The following DLG2 variants were observed in gnomAD, a reference collection of about 807,000 sequenced individuals.
The protein encoded by DLG2 is disks large homolog 2.
Under a neutral mutation model 132.5 loss-of-function variants are expected in DLG2, and 45 were observed. The observed-to-expected ratio is 0.34, with a 90% confidence interval of 0.27 to 0.44. The LOEUF is 0.44. Ranked by LOEUF, DLG2 falls within the 20% of genes least tolerant of loss-of-function variation. The probability of loss-of-function intolerance (pLI) is 1.00; values close to 1 mark genes in which losing one functional copy is unlikely to be tolerated. For synonymous variants in DLG2, 424 were observed against 419.6 expected (o/e 1.01, Z -0.13); for missense variants, 1,045 against 1,196.9 (o/e 0.87, Z 1.87).
intron 3 of DLG2, among the ~76,000 whole-genome samples, chr11:85,314,637 G>T (rs905250931): frequency 6.6e-6 from 1 of 151,800 alleles, no homozygotes; most frequent in Non-Finnish European, 1.5e-5. Context: ...TATTTAGGAG[G>T]AGCAATAAGA....
chr11:83,478,271 A>T (rs1261167025), intron 22 of DLG2, among the ~76,000 whole-genome samples: 2 of 152,014 alleles, frequency 1.3e-5, no homozygotes, highest in Non-Finnish European at 2.9e-5. Flanking sequence ...GACTCTTCTT[A>T]CTTTTGTTCA....
In DLG2 at chr11:84,502,202, C is replaced by CTCT. The variant is rs56962951; in HGVS notation, c.519+32367_519+32368insAGA. Among the ~76,000 whole-genome samples, 7 of 24,942 alleles carry CTCT rather than the reference C, an allele frequency of 2.8e-4. 1 individual carries two copies. Among genetic ancestry groups the CTCT allele is most frequent in the Admixed American group, 6.4e-4 (2 of 3,116 alleles). 16.4% of individuals were successfully genotyped at this position (24,942 alleles called of 152,430 possible). The stretch of plus-strand genomic sequence containing the variant: ...TCTCTCTCTTTCTCTCTCTCTCTCT[C>CTCT]CTTCCTTCCTTCCTTCCTTCCTTCC... On this transcript the variant is annotated intron_variant, in intron 7 of 27. Coordinates refer to ENST00000376104, the MANE Select transcript of DLG2 (RefSeq NM_001142699.3).
chr11:84,265,879 A>G (rs2097621399), intron 7 of DLG2, among the ~76,000 whole-genome samples: 1 of 152,142 alleles, frequency 6.6e-6, no homozygotes, highest in Non-Finnish European at 1.5e-5. Context: ...TAGCTCATTA[A>G]AGCTTTTCAG....
chr11:83,750,948 G>T (rs1333675506), intron 18 of DLG2, among the ~76,000 whole-genome samples: 3 of 152,122 alleles, frequency 2.0e-5, no homozygotes, highest in Non-Finnish European at 4.4e-5. Flanking sequence ...AGGCACTAGA[G>T]GTTCAACAGT....
At chr11:85,363,831 G>A (rs1246205060) in intron 3 of DLG2, among the ~76,000 whole-genome samples, 2 of 152,130 alleles carry the variant, frequency 1.3e-5, no homozygotes, top group Non-Finnish European at 2.9e-5. Flanking sequence ...GGTTACTGAG[G>A]ATAAATTCAG....
chr11:84,606,764 A>T (rs1477889907), intron 6 of DLG2, among the ~76,000 whole-genome samples: 1 of 152,106 alleles, frequency 6.6e-6, no homozygotes, highest in Non-Finnish European at 1.5e-5. Context: ...CTACAGAAAC[A>T]AGAAAATAAA....
intron 17 of DLG2, chr11:83,791,010 G>C (rs1849813246): frequency 2.6e-6 from 2 of 780,682 alleles, no homozygotes; most frequent in African/African-American, 1.7e-5. Flanking sequence ...GCTTTTCAGT[G>C]AATTGGCTTG....
chr11:84,484,273 C>A (rs944414355), intron 7 of DLG2, among the ~76,000 whole-genome samples: 4 of 152,270 alleles, frequency 2.6e-5, no homozygotes, highest in Non-Finnish European at 5.9e-5. Context: ...TAAGATCCTT[C>A]ATTATTCCTT....
At chr11:84,938,136 TTAAG>T (rs2154095392) in intron 6 of DLG2, among the ~76,000 whole-genome samples, 1 of 152,268 alleles carries the variant, frequency 6.6e-6, no homozygotes, top group East Asian at 1.9e-4. Flanking sequence ...CTCAGAGAAA[TTAAG>T]TAACTTCTAC....
At chr11:84,767,251 T>C (rs2068561109) in intron 6 of DLG2, among the ~76,000 whole-genome samples, 1 of 152,048 alleles carries the variant, frequency 6.6e-6, no homozygotes. Context: ...ACTGGTATTA[T>C]GGTGGTCATA....
intron 8 of DLG2, among the ~76,000 whole-genome samples, chr11:84,206,904 G>A (rs1489747040): frequency 1.3e-5 from 2 of 151,878 alleles, no homozygotes; most frequent in Admixed American, 6.6e-5. Context: ...TATAAAATTA[G>A]GTTAATAAGG....
At chr11:84,043,669 T>C (rs2096161025) in intron 11 of DLG2, among the ~76,000 whole-genome samples, 1 of 151,818 alleles carries the variant, frequency 6.6e-6, no homozygotes, top group East Asian at 1.9e-4. Context: ...TCCTGTTTGG[T>C]ATAGCTTTAA....
intron 7 of DLG2, among the ~76,000 whole-genome samples, chr11:84,280,246 T>TA (rs1257111863): frequency 2.6e-5 from 4 of 151,700 alleles, no homozygotes; most frequent in African/African-American, 7.2e-5. Flanking sequence ...GAAATTAAAA[T>TA]AAAAAATAAT....
chr11:85,009,474 A>T (rs2058970261), intron 6 of DLG2, among the ~76,000 whole-genome samples: 1 of 152,126 alleles, frequency 6.6e-6, no homozygotes, highest in Admixed American at 6.5e-5. Flanking sequence ...CTGACAGTAC[A>T]TCTTTAGGTA....
intron 6 of DLG2, among the ~76,000 whole-genome samples, chr11:84,768,615 T>C (rs1160209992): frequency 6.6e-6 from 1 of 152,112 alleles, no homozygotes; most frequent in Non-Finnish European, 1.5e-5. Flanking sequence ...CAGTGCTAGG[T>C]GGATTCATTG....
chr11:85,545,399 A>C (rs2076244817), intron 3 of DLG2, among the ~76,000 whole-genome samples: 1 of 152,100 alleles, frequency 6.6e-6, no homozygotes, highest in Non-Finnish European at 1.5e-5. Context: ...CCAGTATTTT[A>C]TTGAGGATTT....
intron 16 of DLG2, among the ~76,000 whole-genome samples, chr11:83,863,052 C>A (rs148296382): frequency 1.2e-3 from 176 of 152,186 alleles, no homozygotes; most frequent in African/African-American, 4.1e-3. Context: ...GTTATATAGG[C>A]AATCAAGAAG....
At chr11:84,610,142 A>T (rs1046237824) in intron 6 of DLG2, among the ~76,000 whole-genome samples, 1 of 152,062 alleles carries the variant, frequency 6.6e-6, no homozygotes, top group Non-Finnish European at 1.5e-5. Context: ...ATAAAATGAG[A>T]TATGTGGATG....
At chr11:85,608,681 C>T (rs1478365909) in intron 2 of DLG2, among the ~76,000 whole-genome samples, 1 of 152,016 alleles carries the variant, frequency 6.6e-6, no homozygotes, top group African/African-American at 2.4e-5. Flanking sequence ...CAGTTTTGTC[C>T]CCTTCAAGCT....
Sources: gnomAD v4.1 joint callset for allele counts (sites outside exome capture counted in the v4.1 genomes callset) on GRCh38, gnomAD v4.1.1 for gene constraint, MANE v1.5 for transcripts, NCBI Gene and HGNC (gene_info 2026-07-23, HGNC 2026-07-21) for gene names.